The following SLC12A7 variants were observed in gnomAD, a reference collection of about 807,000 sequenced individuals.
The protein encoded by SLC12A7 is K-Cl cotransporter 4.
A neutral mutation model predicts 120.6 loss-of-function variants in SLC12A7; 100 were observed. The observed-to-expected ratio is 0.83, with a 90% CI of 0.71 to 0.98. The LOEUF (loss-of-function observed/expected upper bound fraction) is 0.98. Ranked by LOEUF, SLC12A7 falls within the 50% of genes least tolerant of loss-of-function variation. The pLI is 0.00. For missense variants in SLC12A7, 1,373 were observed against 1,548.1 expected (o/e 0.89, Z 1.90); for synonymous variants, 760 against 678.0 (o/e 1.12, Z -1.88).
chr5:1,050,726 G>C lies in SLC12A7; in HGVS notation c.*1634C>G. On this transcript the variant is annotated 3_prime_UTR_variant, in exon 24 of 24. Transcript: ENST00000264930. ...CCTGCCGGCCCCATCCAGACATGGA[G>C]GAGCGTTTTGCTGCTTAACTCATGC... 2.5e-6 allele frequency: 1 copy of C among 396,952 alleles called. No homozygotes were observed. The highest frequency in any genetic ancestry group is 4.4e-6 in the Non-Finnish European group (1 of 225,512). 24.6% of individuals were successfully genotyped at this position (396,952 alleles called of 1,614,324 possible).
chr5:1,149,880 A>G, the SLC12A7 span, among the ~76,000 whole-genome samples: 2 of 152,170 alleles, frequency 1.3e-5, no homozygotes, highest in Admixed American at 1.3e-4. Flanking sequence ...AATACAAAAA[A>G]TTAGCTGGGC....
In SLC12A7 at chr5:1,063,946, G is replaced by A. The variant is rs1451915984; in HGVS notation, c.2637C>T (p.Phe879=). The A allele has an allele frequency of 3.7e-6, 6 of 1,612,680 alleles. No individual in the cohort carries two copies. The highest frequency in any genetic ancestry group is 4.5e-5 in the East Asian group (2 of 44,864). The change falls in exon 20 of 24, where the codon TTC becomes TTT. Residue 879 remains phenylalanine (F), a synonymous_variant. Transcript: ENST00000264930. ...TGTTGTCGTCCACCTGGGCCACGGT[G>A]AAGATACGCATCCGGCACTTCCTCC... ...KVWRKCRMRI[F]TVAQVDDNSI...
intron 2 of SLC12A7, 53 bp from the exon 3 acceptor site, chr5:1,093,708 C>T (rs1356783908): frequency 1.5e-5 from 24 of 1,602,778 alleles, no homozygotes; most frequent in African/African-American, 5.3e-5. Flanking sequence ...GTGGGCCCCC[C>T]GACCTCCCTC....
At chr5:1,132,654 C>T in the SLC12A7 span, among the ~76,000 whole-genome samples, 1 of 152,168 alleles carries the variant, frequency 6.6e-6, no homozygotes, top group Admixed American at 6.5e-5. Flanking sequence ...GGCCAGCTTT[C>T]CCCCTCAGCT....
intron 20 of SLC12A7, among the ~76,000 whole-genome samples, chr5:1,062,108 G>C (rs550947173): frequency 6.6e-6 from 1 of 152,084 alleles, no homozygotes. Context: ...CCAGGTTCCC[G>C]GACTTCAGAG....
At chr5:1,153,209 G>T in the SLC12A7 span, among the ~76,000 whole-genome samples, 2 of 150,896 alleles carry the variant, frequency 1.3e-5, no homozygotes, top group Non-Finnish European at 3.0e-5. Flanking sequence ...GGAGGGACGG[G>T]CTTGCCCAGT....
At chr5:1,115,527 T>C (rs549430390), upstream of SLC12A7, among the ~76,000 whole-genome samples, 31 of 152,332 alleles carry the variant, frequency 2.0e-4, no homozygotes, top group Middle Eastern at 3.4e-3. Context: ...GCTCATCTCC[T>C]GGTGCGCCAT....
chr5:1,056,486 C>G (rs1735623386), intron 22 of SLC12A7: 8 of 604,384 alleles, frequency 1.3e-5, no homozygotes, highest in Non-Finnish European at 1.7e-5. Context: ...AGGCACAGGC[C>G]TAGAACACGC....
At chr5:1,082,911 TC>T (rs1157848109) in intron 8 of SLC12A7, among the ~76,000 whole-genome samples, 1 of 145,252 alleles carries the variant, frequency 6.9e-6, no homozygotes, top group Non-Finnish European at 1.5e-5. Context: ...AGCCTGGGCT[TC>T]CCGTCTCGGG....
At position 1,092,629 on chromosome 5, in the gene SLC12A7, G is replaced by A. The variant is rs189101657; in HGVS notation, c.342+904C>T. Reference sequence around the variant, plus strand: ...GCCGAAGGAGGGGGGCACAGGCTCGGGGCTGACTCGGGAAATGACAATTTT... The same window carrying A: ...GCCGAAGGAGGGGGGCACAGGCTCGAGGCTGACTCGGGAAATGACAATTTT... On this transcript the variant is annotated intron_variant, in intron 3 of 23. Transcript: ENST00000264930. Among the ~76,000 whole-genome samples the A allele has an allele frequency of 3.2e-3, 481 of 152,290 alleles. 3 individuals are homozygous for A. Among genetic ancestry groups the A allele is most frequent in the African/African-American group, 0.011 (462 of 41,550 alleles).
At chr5:1,103,530 C>T (rs549009880) in intron 1 of SLC12A7, among the ~76,000 whole-genome samples, 1 of 152,362 alleles carries the variant, frequency 6.6e-6, no homozygotes, top group South Asian at 2.1e-4. Flanking sequence ...CATACCCATA[C>T]TCACACGCTT....
In SLC12A7 at chr5:1,088,319, GT is replaced by G; in HGVS notation, c.530del (p.Asn177ThrfsTer12). ...GGCACCCCTTACCTGGGACCACACCGTTGGTAGCGATCGCACTCATGGAAAT... is the reference window on the plus strand; with the variant it reads ...GGCACCCCTTACCTGGGACCACACCGTGGTAGCGATCGCACTCATGGAAAT... ...TAISMSAIAT[N>X]GVVPAGGSYY... On this transcript the variant is annotated frameshift_variant, in exon 5 of 24. Transcript: ENST00000264930. LOFTEE classifies it high-confidence loss of function. 6.3e-7 allele frequency: 1 copy of G among 1,586,788 alleles called. No homozygotes were observed. Among genetic ancestry groups the G allele is most frequent in the Non-Finnish European group, 8.6e-7 (1 of 1,167,222 alleles).
chr5:1,081,747 G>A lies in SLC12A7; in HGVS notation c.1130-3C>T, dbSNP rs777961475. On this transcript the variant is annotated splice_region_variant and splice_polypyrimidine_tract_variant and intron_variant, in intron 8 of 23. Coordinates refer to ENST00000264930, the MANE Select transcript of SLC12A7 (RefSeq NM_006598.3). ...CGCGTACGTACTCCACAGGTTCTCT[G>A]CCGGGCAAGGAAGATCCCATGGGTT... is the stretch of plus-strand genomic sequence containing the variant. The A allele has an allele frequency of 2.5e-6, 4 of 1,609,530 alleles. No individual in the cohort carries two copies. Among genetic ancestry groups the A allele is most frequent in the Non-Finnish European group, 3.4e-6 (4 of 1,177,332 alleles).
the SLC12A7 span, among the ~76,000 whole-genome samples, chr5:1,133,592 C>T: frequency 4.6e-5 from 7 of 152,182 alleles, no homozygotes; most frequent in African/African-American, 1.2e-4. Flanking sequence ...ACTGGTAGGC[C>T]GCTGTGGCTG....
At chr5:1,144,447 C>T in the SLC12A7 span, among the ~76,000 whole-genome samples, 3 of 152,248 alleles carry the variant, frequency 2.0e-5, no homozygotes, top group Non-Finnish European at 2.9e-5. Context: ...CTGCCCCCAC[C>T]CACCTGTTCT....
rs964542399 is a variant in SLC12A7, at chr5:1,089,179, G to A, written c.343-51C>T. The A allele has an allele frequency of 4.4e-6, 7 of 1,586,208 alleles. No individual in the cohort carries two copies. In the Admixed American group the frequency reaches 1.0e-4, roughly 23 times the overall value. ...GGGGCTCGTACCCCACACCCAGAGG[G>A]AGCCCCCTCCCCAGGCTGCACTCAG... On this transcript the variant is annotated intron_variant, in intron 3 of 23. Transcript: ENST00000264930.
chr5:1,104,264 C>T (rs1206149544), intron 1 of SLC12A7, among the ~76,000 whole-genome samples: 1 of 152,250 alleles, frequency 6.6e-6, no homozygotes, highest in African/African-American at 2.4e-5. Context: ...ACAGCCACCG[C>T]CACCCTCGTG....
chr5:1,097,490 T>C (rs1331244956), intron 1 of SLC12A7, among the ~76,000 whole-genome samples: 1 of 152,062 alleles, frequency 6.6e-6, no homozygotes, highest in Non-Finnish European at 1.5e-5. Context: ...TATCGAGAAA[T>C]TCATTAAACT....
At chr5:1,053,643 G>A (rs113531668) in intron 22 of SLC12A7, among the ~76,000 whole-genome samples, 161 bp from the exon 23 acceptor site, 49 of 152,218 alleles carry the variant, frequency 3.2e-4, no homozygotes, top group African/African-American at 6.8e-4. Context: ...CAGAAGTGGC[G>A]GCTCCGAGCG....
Sources: gnomAD v4.1 joint callset for allele counts (sites outside exome capture counted in the v4.1 genomes callset) on GRCh38, gnomAD v4.1.1 for gene constraint, MANE v1.5 for transcripts, NCBI Gene and HGNC (gene_info 2026-07-23, HGNC 2026-07-21) for gene names.